Variants in YIPF5 observed in about 807,000 individuals in gnomAD.
The protein encoded by YIPF5 is protein YIPF5.
YIPF5 carries 8 observed loss-of-function variants against 30.4 expected under a neutral mutation model. That is an observed-to-expected ratio of 0.26 (90% CI 0.15 to 0.47). The LOEUF (loss-of-function observed/expected upper bound fraction) is 0.47. YIPF5 is among the 20% of genes least tolerant of loss of function. YIPF5 has a pLI of 0.99. For synonymous variants in YIPF5, 104 were observed against 107.9 expected, an observed-to-expected ratio of 0.96 and a Z score of 0.23; for missense variants, 282 against 301.8, an observed-to-expected ratio of 0.93 and a Z score of 0.49.
At chr5:144,163,888 AATTT>A (rs1752123329) in intron 4 of YIPF5, 1 of 405,596 alleles carries the variant, frequency 2.5e-6, no homozygotes, top group African/African-American at 2.1e-5. Context: ...TTCCCCTAAT[AATTT>A]AATCATTTCT....
At chr5:144,168,143 G>A (rs1752251297) in intron 2 of YIPF5, among the ~76,000 whole-genome samples, 1 of 152,140 alleles carries the variant, frequency 6.6e-6, no homozygotes, top group East Asian at 1.9e-4. Context: ...TACATGATTT[G>A]GTTGGAATGA....
intron 2 of YIPF5, among the ~76,000 whole-genome samples, chr5:144,168,640 T>C (rs982253344): frequency 2.0e-5 from 3 of 152,184 alleles, no homozygotes; most frequent in African/African-American, 7.2e-5. Flanking sequence ...ACGGGGTATT[T>C]TGACATGCTC....
chr5:144,166,456 A>T (rs1752205235), intron 2 of YIPF5, among the ~76,000 whole-genome samples: 1 of 152,228 alleles, frequency 6.6e-6, no homozygotes, highest in Admixed American at 6.5e-5. Context: ...AGAAACACAG[A>T]TGTAAAATAA....
intron 2 of YIPF5, among the ~76,000 whole-genome samples, chr5:144,169,317 A>T (rs1651354511): frequency 6.6e-6 from 1 of 152,220 alleles, no homozygotes; most frequent in South Asian, 2.1e-4. Flanking sequence ...CACGTGTGGC[A>T]CTGACCATAA....
chr5:144,164,592 G>C (rs1308600169), intron 3 of YIPF5, among the ~76,000 whole-genome samples: 2 of 149,992 alleles, frequency 1.3e-5, no homozygotes, highest in Admixed American at 1.3e-4. Context: ...TTTTTGTAGA[G>C]ACAGGGTCTT....
In YIPF5 at chr5:144,158,429, G is replaced by T; in HGVS notation, c.*1968C>A. 1.6e-6 allele frequency: 2 copies of T among 1,270,034 alleles called. No individual in the cohort carries two copies. The highest frequency in any genetic ancestry group is 2.0e-6 in the Non-Finnish European group (2 of 980,198). The allele number at this position is 1,270,034 out of a possible 1,614,324, so 78.7% of individuals were successfully genotyped here. On this transcript the variant is annotated 3_prime_UTR_variant, in exon 6 of 6. Transcript: ENST00000274496. ...AAACTAAAAATGTTGTTGAGGATAG[G>T]GTAAACAACAAAAAAGAAAATAATT... is the stretch of plus-strand genomic sequence containing the variant.
intron 1 of YIPF5, 156 bp downstream of exon 1, chr5:144,170,379 G>C: frequency 5.0e-6 from 1 of 201,142 alleles, no homozygotes; most frequent in Admixed American, 5.5e-5. Context: ...GGAAGGTCGC[G>C]CCTGAGGTGC....
At chr5:144,165,001 CAA>C (rs1208468228) in intron 3 of YIPF5, among the ~76,000 whole-genome samples, 4 of 152,068 alleles carry the variant, frequency 2.6e-5, no homozygotes, top group African/African-American at 9.7e-5. Flanking sequence ...ATTAGATTTT[CAA>C]AGAGTTATCT....
At chr5:144,165,640 T>C in intron 2 of YIPF5, 36 bp from the exon 3 acceptor site, 1 of 1,607,416 alleles carries the variant, frequency 6.2e-7, no homozygotes, top group Non-Finnish European at 8.5e-7. Flanking sequence ...TTCAGAGGTA[T>C]TTCAACTCTG....
chr5:144,167,488 G>A (rs898285999), intron 2 of YIPF5, among the ~76,000 whole-genome samples: 2 of 151,884 alleles, frequency 1.3e-5, no homozygotes, highest in Non-Finnish European at 2.9e-5. Context: ...ATACTACCAG[G>A]TAAGTCAAAG....
chr5:144,159,279 G>A lies in YIPF5; in HGVS notation c.*1118C>T, dbSNP rs1751958262. On this transcript the variant is annotated 3_prime_UTR_variant, in exon 6 of 6. Transcript: ENST00000274496. ...TTCAATAACACAGTTAAAATTAATT[G>A]GGAAAGTTTTAATAAGCATTCAAAT... The A allele has an allele frequency of 1.0e-6, 1 of 971,232 alleles. No homozygotes were observed. The highest frequency in any genetic ancestry group is 5.3e-4 in the Middle Eastern group (1 of 1,882). 60.2% of individuals were successfully genotyped at this position (971,232 alleles called of 1,614,324 possible).
intron 4 of YIPF5, 107 bp downstream of exon 4, chr5:144,164,004 A>T: frequency 7.1e-7 from 1 of 1,403,962 alleles, no homozygotes; most frequent in Non-Finnish European, 9.7e-7. Context: ...CAAACACATC[A>T]AAGACTTGAG....
Position 144,158,531 on chromosome 5 carries a change from G to T in YIPF5, c.*1866C>A. On this transcript the variant is annotated 3_prime_UTR_variant, in exon 6 of 6. Coordinates refer to ENST00000274496, the MANE Select transcript of YIPF5 (RefSeq NM_030799.9). ...CAGCGAGATAATTTTAATTTCCAAAGCATCTTCTACCGTTTATTAGCAATA... is the reference window on the plus strand; with the variant it reads ...CAGCGAGATAATTTTAATTTCCAAATCATCTTCTACCGTTTATTAGCAATA... The T allele has an allele frequency of 1.6e-6, 2 of 1,212,272 alleles. No individual in the cohort carries two copies. Among genetic ancestry groups the T allele is most frequent in the Non-Finnish European group, 1.0e-6 (1 of 959,952 alleles). 75.1% of individuals were successfully genotyped at this position (1,212,272 alleles called of 1,614,324 possible). A position where few individuals can be genotyped will look rare whatever the true frequency, so the allele number is the denominator to read the frequency against.
In YIPF5 at chr5:144,158,302, T is replaced by A. The variant is rs772413114; in HGVS notation, c.*2095A>T. The A allele has an allele frequency of 1.3e-5, 8 of 638,492 alleles. No homozygotes were observed. Among genetic ancestry groups the A allele is most frequent in the Non-Finnish European group, 1.9e-5 (8 of 426,954 alleles). The allele number at this position is 638,492 out of a possible 1,614,324, so 39.6% of individuals were successfully genotyped here. A position where few individuals can be genotyped will look rare whatever the true frequency, so the allele number is the denominator to read the frequency against. On this transcript the variant is annotated 3_prime_UTR_variant, in exon 6 of 6. Transcript: ENST00000274496. ...ATCAAATGCAACTCCACTGCATAGC[T>A]GTTTTGACAGAGCAACAGTTAAGCA...
intron 5 of YIPF5, among the ~76,000 whole-genome samples, chr5:144,161,333 CTTTTTTTTTTTTTT>C (rs57703406): frequency 2.6e-4 from 17 of 64,684 alleles, no homozygotes; most frequent in African/African-American, 9.2e-4. Context: ...CCTTTCCTTC[CTTTTTTTTTTTTTT>C]TTTTTTTTTT....
chr5:144,159,702 T>C lies in YIPF5; in HGVS notation c.*695A>G. 2 of 963,906 alleles carry C rather than the reference T, an allele frequency of 2.1e-6. No individual in the cohort carries two copies. The highest frequency in any genetic ancestry group is 2.4e-6 in the Non-Finnish European group (2 of 820,178). The allele number at this position is 963,906 out of a possible 1,614,324, so 59.7% of individuals were successfully genotyped here. On this transcript the variant is annotated 3_prime_UTR_variant, in exon 6 of 6. Transcript: ENST00000274496. ...AAATATTTTTGCAGTAAGTCTTGTG[T>C]CTCCTTTTTTTTTTTTTTTTGAGAC...
At chr5:144,165,664 C>A in intron 2 of YIPF5, 60 bp from the exon 3 acceptor site, 2 of 1,492,948 alleles carry the variant, frequency 1.3e-6, no homozygotes, top group Non-Finnish European at 1.8e-6. Flanking sequence ...AGTTAATATC[C>A]CTTAAATTCC....
At chr5:144,168,760 C>A (rs79941184) in intron 2 of YIPF5, among the ~76,000 whole-genome samples, 1 of 152,118 alleles carries the variant, frequency 6.6e-6, no homozygotes. Context: ...ATAGCCTAAC[C>A]AAGACAGACA....
At chr5:144,170,129 G>A (rs1188163070) in intron 1 of YIPF5, among the ~76,000 whole-genome samples, 164 bp from the exon 2 acceptor site, 3 of 152,216 alleles carry the variant, frequency 2.0e-5, no homozygotes, top group African/African-American at 7.2e-5. Context: ...CGGTAGCGGA[G>A]AGAGAGTAAG....
Sources: gnomAD v4.1 joint callset for allele counts (sites outside exome capture counted in the v4.1 genomes callset) on GRCh38, gnomAD v4.1.1 for gene constraint, MANE v1.5 for transcripts, NCBI Gene and HGNC (gene_info 2026-07-23, HGNC 2026-07-21) for gene names.